Variants in KCNIP4 observed in about 807,000 individuals in gnomAD.
KCNIP4 encodes the protein Kv channel-interacting protein 4.
A neutral mutation model predicts 34.0 loss-of-function variants in KCNIP4; 12 were observed. The observed-to-expected ratio is 0.35, with a 90% CI of 0.23 to 0.57. The LOEUF (loss-of-function observed/expected upper bound fraction) is 0.57. Among genes scored for constraint, KCNIP4 ranks in the 20% least tolerant of loss-of-function variants. KCNIP4 has a pLI of 0.83. For synonymous variants in KCNIP4, 124 were observed against 102.2 expected, an observed-to-expected ratio of 1.21 and a Z score of -1.29; for missense variants, 238 against 311.7, an observed-to-expected ratio of 0.76 and a Z score of 1.78.
intron 1 of KCNIP4, among the ~76,000 whole-genome samples, chr4:21,685,425 G>A (rs1011650614): frequency 1.3e-5 from 2 of 152,218 alleles, no homozygotes; most frequent in South Asian, 2.1e-4. Context: ...CTGCTAAGAC[G>A]TGATGGTGCA....
intron 3 of KCNIP4, among the ~76,000 whole-genome samples, chr4:20,842,062 A>T (rs984014128): frequency 1.3e-5 from 2 of 152,054 alleles, no homozygotes; most frequent in African/African-American, 4.8e-5. Flanking sequence ...ATATTTTCTT[A>T]TTTAACTATG....
intron 1 of KCNIP4, among the ~76,000 whole-genome samples, chr4:21,285,363 A>C (rs1450668147): frequency 1.3e-5 from 2 of 152,170 alleles, no homozygotes; most frequent in African/African-American, 4.8e-5. Context: ...CAGTGTGCTA[A>C]TCACCATATG....
At chr4:21,422,119 C>T (rs1725505696) in intron 1 of KCNIP4, among the ~76,000 whole-genome samples, 1 of 151,950 alleles carries the variant, frequency 6.6e-6, no homozygotes, top group African/African-American at 2.4e-5. Context: ...AAGCTCACAG[C>T]CTGCACACAA....
intron 1 of KCNIP4, among the ~76,000 whole-genome samples, chr4:21,765,118 G>A (rs1261955432): frequency 1.3e-5 from 2 of 151,466 alleles, no homozygotes; most frequent in African/African-American, 2.4e-5. Context: ...AAAATGGGAA[G>A]TGCAATGGCT....
At position 21,650,151 on chromosome 4, in the gene KCNIP4, A is replaced by G. The variant is rs149082338; in HGVS notation, c.61+298420T>C. ...CATTTTCCTTCCCAACCCACTCCAC[A>G]GGATCTGTACTTCACCCAGCAAGAA... On this transcript the variant is annotated intron_variant, in intron 1 of 8. Coordinates refer to ENST00000382152, the MANE Select transcript of KCNIP4 (RefSeq NM_025221.6). 2.1e-3 allele frequency among the ~76,000 whole-genome samples: 316 copies of G among 152,302 alleles called. 1 individual carries two copies. Among genetic ancestry groups the G allele is most frequent in the South Asian group, 6.4e-3 (31 of 4,822 alleles).
intron 1 of KCNIP4, among the ~76,000 whole-genome samples, chr4:21,204,979 A>G (rs1159961693): frequency 6.6e-6 from 1 of 152,206 alleles, no homozygotes; most frequent in Non-Finnish European, 1.5e-5. Context: ...TACCAATGAG[A>G]GTTATTTTTA....
intron 3 of KCNIP4, chr4:20,767,399 G>C (rs1755509724): frequency 6.6e-6 from 1 of 152,106 alleles, no homozygotes; most frequent in Non-Finnish European, 1.5e-5. Context: ...TTAATTTAAA[G>C]TTTTCCCCAG....
chr4:21,320,974 A>G (rs889990003), intron 1 of KCNIP4, among the ~76,000 whole-genome samples: 1 of 151,556 alleles, frequency 6.6e-6, no homozygotes, highest in Non-Finnish European at 1.5e-5. Context: ...TAAAAAAAAA[A>G]AAAAAAAAGA....
intron 1 of KCNIP4, among the ~76,000 whole-genome samples, chr4:20,965,764 A>AT (rs1260239276): frequency 6.6e-6 from 1 of 152,128 alleles, no homozygotes; most frequent in Non-Finnish European, 1.5e-5. Context: ...TTCTTTGCTG[A>AT]TTTTGTGTTT....
intron 1 of KCNIP4, among the ~76,000 whole-genome samples, chr4:21,513,637 G>A (rs1734518423): frequency 6.6e-6 from 1 of 152,162 alleles, no homozygotes; most frequent in African/African-American, 2.4e-5. Flanking sequence ...TGTGAGAGTG[G>A]AATAGTGTAA....
At chr4:21,196,356 C>G (rs1312139339) in intron 1 of KCNIP4, among the ~76,000 whole-genome samples, 1 of 152,024 alleles carries the variant, frequency 6.6e-6, no homozygotes, top group Non-Finnish European at 1.5e-5. Flanking sequence ...AGTATTTACC[C>G]TTTTGCCTTT....
intron 1 of KCNIP4, among the ~76,000 whole-genome samples, chr4:21,387,411 T>C (rs1004903028): frequency 6.6e-6 from 1 of 152,158 alleles, no homozygotes; most frequent in Admixed American, 6.6e-5. Context: ...AGTATTAACT[T>C]CTTTACCAAG....
chr4:21,656,350 A>C (rs1181095976), intron 1 of KCNIP4, among the ~76,000 whole-genome samples: 3 of 152,166 alleles, frequency 2.0e-5, no homozygotes, highest in African/African-American at 7.2e-5. Flanking sequence ...ATCTTAACTA[A>C]TTATATCTTC....
chr4:21,805,124 G>T (rs1721216620), intron 1 of KCNIP4, among the ~76,000 whole-genome samples: 1 of 152,192 alleles, frequency 6.6e-6, no homozygotes, highest in African/African-American at 2.4e-5. Flanking sequence ...GGTAATGGTT[G>T]CACTACTCTA....
chr4:21,874,429 G>A (rs1725981494), intron 1 of KCNIP4, among the ~76,000 whole-genome samples: 1 of 152,178 alleles, frequency 6.6e-6, no homozygotes, highest in South Asian at 2.1e-4. Context: ...GCTTTCAGCT[G>A]GTTTGGGGGT....
intron 1 of KCNIP4, among the ~76,000 whole-genome samples, chr4:21,906,087 G>C (rs1382231700): frequency 6.6e-6 from 1 of 152,170 alleles, no homozygotes; most frequent in African/African-American, 2.4e-5. Flanking sequence ...TCATCTATGA[G>C]TGTTTCAGGC....
chr4:21,780,890 A>T (rs968347150), intron 1 of KCNIP4, among the ~76,000 whole-genome samples: 1 of 151,990 alleles, frequency 6.6e-6, no homozygotes, highest in Non-Finnish European at 1.5e-5. Context: ...GCTTCAGGTA[A>T]CCCCAGTCCA....
At chr4:21,303,781 G>T (rs774633937) in intron 1 of KCNIP4, 13 of 1,574,686 alleles carry the variant, frequency 8.3e-6, no homozygotes, top group Admixed American at 1.7e-5. Flanking sequence ...AGAATTTTTA[G>T]AAGTCACTAA....
At position 20,753,286 on chromosome 4, in the gene KCNIP4, G is replaced by A. The variant is rs138435690; in HGVS notation, c.359-3554C>T. On this transcript the variant is annotated intron_variant, in intron 4 of 8. Transcript: ENST00000382152. ...ATTCCTATACCATCTCTTAGAAATC[G>A]AGGATACTAGAGTAGAAAAAACCCC... Among the ~76,000 whole-genome samples, 355 of 152,156 alleles carry A rather than the reference G, an allele frequency of 2.3e-3. 8 individuals carry two copies. In the South Asian group the frequency reaches 0.046, roughly 20 times the overall value.
Sources: gnomAD v4.1 joint callset for allele counts (sites outside exome capture counted in the v4.1 genomes callset) on GRCh38, gnomAD v4.1.1 for gene constraint, MANE v1.5 for transcripts, NCBI Gene and HGNC (gene_info 2026-07-23, HGNC 2026-07-21) for gene names.